Variants in BBS9 observed in about 807,000 individuals in gnomAD.
BBS9 encodes the protein protein PTHB1.
A neutral mutation model predicts 117.7 loss-of-function variants in BBS9; 89 were observed. The observed-to-expected ratio is 0.76, with a 90% confidence interval of 0.64 to 0.90. The LOEUF (loss-of-function observed/expected upper bound fraction) is 0.90. Ranked by LOEUF, BBS9 falls within the 40% of genes least tolerant of loss-of-function variation. The pLI, the probability that BBS9 is intolerant of heterozygous loss-of-function variation, is 0.00. For missense variants in BBS9, 982 were observed against 1,042.2 expected (o/e 0.94, Z 0.80); for synonymous variants, 379 against 370.9 (o/e 1.02, Z -0.25).
At chr7:33,146,109 A>T in intron 1 of BBS9, 133 bp from the exon 2 acceptor site, 1 of 646,688 alleles carries the variant, frequency 1.5e-6, no homozygotes, top group Admixed American at 2.6e-5. Flanking sequence ...GGTTTCAAAT[A>T]TGTGTACAAA....
At chr7:33,153,039 A>C in intron 3 of BBS9, among the ~76,000 whole-genome samples, 188 bp downstream of exon 3, 1 of 152,222 alleles carries the variant, frequency 6.6e-6, no homozygotes, top group Non-Finnish European at 1.5e-5. Context: ...ATAATAATTT[A>C]GGGCCTTTTA....
intron 20 of BBS9, among the ~76,000 whole-genome samples, chr7:33,514,015 G>T (rs1585079796): frequency 6.6e-6 from 1 of 152,286 alleles, no homozygotes; most frequent in South Asian, 2.1e-4. Flanking sequence ...AATCCATTTG[G>T]TACCATAATG....
At chr7:33,614,466 C>G (rs985913300) in intron 21 of BBS9, among the ~76,000 whole-genome samples, 1 of 151,914 alleles carries the variant, frequency 6.6e-6, no homozygotes, top group Non-Finnish European at 1.5e-5. Context: ...TCACTCTGTC[C>G]TAACAAGGGA....
At position 33,395,592 on chromosome 7, in the gene BBS9, G is replaced by A. The variant is rs552702859; in HGVS notation, c.2115+7448G>A. Among the ~76,000 whole-genome samples, 7 of 152,222 alleles carry A rather than the reference G, an allele frequency of 4.6e-5. No individual in the cohort carries two copies. The East Asian group carries it at 7.7e-4, about 17-fold the overall frequency. On this transcript the variant is annotated intron_variant, in intron 19 of 22. Transcript: ENST00000242067. ...GACTAGTAGTCATTAATGTTCTAGAGAGGCAGATGGCTGACTTTTCTCTTC... is the reference window on the plus strand; with the variant it reads ...GACTAGTAGTCATTAATGTTCTAGAAAGGCAGATGGCTGACTTTTCTCTTC...
At chr7:33,157,784 C>G (rs560609540) in intron 4 of BBS9, 6 of 152,240 alleles carry the variant, frequency 3.9e-5, no homozygotes, top group Admixed American at 1.3e-4. Context: ...ACCTAACAAC[C>G]CTTAATAGTC....
At chr7:33,241,181 C>CT (rs1398893597) in intron 5 of BBS9, among the ~76,000 whole-genome samples, 2 of 152,048 alleles carry the variant, frequency 1.3e-5, no homozygotes, top group Non-Finnish European at 2.9e-5. Flanking sequence ...TGAATGAAAT[C>CT]TTTGTTTTAT....
intron 9 of BBS9, among the ~76,000 whole-genome samples, chr7:33,312,227 A>G (rs1003017969): frequency 1.3e-5 from 2 of 152,132 alleles, no homozygotes; most frequent in Non-Finnish European, 2.9e-5. Context: ...TTTCTGTGTT[A>G]TGACTGAATT....
At chr7:33,229,997 C>G (rs182389124) in intron 5 of BBS9, among the ~76,000 whole-genome samples, 93 of 152,192 alleles carry the variant, frequency 6.1e-4, no homozygotes, top group African/African-American at 2.0e-3. Flanking sequence ...ATTTGCAGTT[C>G]CCTGATGATT....
chr7:33,159,132 C>T (rs572398098), intron 4 of BBS9, among the ~76,000 whole-genome samples: 56 of 152,220 alleles, frequency 3.7e-4, no homozygotes, highest in African/African-American at 1.3e-3. Flanking sequence ...TACAGAGAAA[C>T]CTTTAGGCTG....
At chr7:33,236,887 A>G (rs1050684669) in intron 5 of BBS9, among the ~76,000 whole-genome samples, 2 of 152,114 alleles carry the variant, frequency 1.3e-5, no homozygotes, top group African/African-American at 4.8e-5. Flanking sequence ...CCTCCAGTCT[A>G]ATTGAAACTT....
intron 4 of BBS9, among the ~76,000 whole-genome samples, chr7:33,163,452 T>C (rs34132710): frequency 0.019 from 2,923 of 152,172 alleles, 39 homozygotes; most frequent in Middle Eastern, 0.034. Context: ...TGTGAGTCCA[T>C]CTGGTCTTGG....
chr7:33,579,712 A>G (rs1859547428), intron 21 of BBS9, among the ~76,000 whole-genome samples: 1 of 152,154 alleles, frequency 6.6e-6, no homozygotes, highest in South Asian at 2.1e-4. Flanking sequence ...AAAAAATAAA[A>G]TGTCAGCCAA....
chr7:33,328,347 A>T (rs1721761783), intron 9 of BBS9, among the ~76,000 whole-genome samples: 1 of 152,210 alleles, frequency 6.6e-6, no homozygotes, highest in African/African-American at 2.4e-5. Context: ...TAGACCAAAG[A>T]TTTTTATACA....
chr7:33,545,996 T>C (rs1190594663), intron 21 of BBS9, among the ~76,000 whole-genome samples: 1 of 129,418 alleles, frequency 7.7e-6, no homozygotes, highest in Non-Finnish European at 1.6e-5. Flanking sequence ...TGCAGTAGCG[T>C]GATTTTGGCT....
intron 19 of BBS9, among the ~76,000 whole-genome samples, chr7:33,486,590 G>A (rs1382244161): frequency 1.3e-5 from 2 of 152,198 alleles, no homozygotes; most frequent in Non-Finnish European, 2.9e-5. Context: ...TTTTGGGTAT[G>A]TAGATTTTAA....
intron 7 of BBS9, among the ~76,000 whole-genome samples, chr7:33,268,902 C>T (rs987086170): frequency 6.6e-6 from 1 of 152,260 alleles, no homozygotes; most frequent in African/African-American, 2.4e-5. Flanking sequence ...TAGCCTGTTA[C>T]AATATAATGA....
intron 3 of BBS9, among the ~76,000 whole-genome samples, chr7:33,153,271 C>T (rs1024249674): frequency 3.3e-5 from 5 of 152,148 alleles, no homozygotes; most frequent in African/African-American, 9.7e-5. Flanking sequence ...GATGCCCTAT[C>T]GTTTCTTGAA....
At position 33,349,052 on chromosome 7, in the gene BBS9, A is replaced by G. The variant is rs769033974; in HGVS notation, c.1330-16A>G. The stretch of plus-strand genomic sequence containing the variant: ...AAAATGTAATTTTCTATTGATAACA[A>G]TTTCTGTTTCCTTAGGTCACACTGC... On this transcript the variant is annotated splice_polypyrimidine_tract_variant and intron_variant, in intron 12 of 22. Coordinates refer to ENST00000242067, the MANE Select transcript of BBS9 (RefSeq NM_198428.3). 2 of 1,536,786 alleles carry G rather than the reference A, an allele frequency of 1.3e-6. No individual in the cohort carries two copies. The highest frequency in any genetic ancestry group is 2.3e-5 in the East Asian group (1 of 44,364).
At chr7:33,288,568 C>T (rs766868022) in intron 9 of BBS9, among the ~76,000 whole-genome samples, 31 of 152,254 alleles carry the variant, frequency 2.0e-4, no homozygotes, top group Admixed American at 4.6e-4. Flanking sequence ...TGAAGAAAGA[C>T]TTATTACCCT....
Sources: gnomAD v4.1 joint callset for allele counts (sites outside exome capture counted in the v4.1 genomes callset) on GRCh38, gnomAD v4.1.1 for gene constraint, MANE v1.5 for transcripts, NCBI Gene and HGNC (gene_info 2026-07-23, HGNC 2026-07-21) for gene names.